Variants in KCNN2 observed in about 807,000 individuals in gnomAD.
The protein encoded by KCNN2 is potassium calcium-activated channel subfamily N member 2.
In KCNN2, 24 loss-of-function variants were observed where a neutral mutation model predicts 55.5. The observed-to-expected ratio is 0.43, with a 90% CI of 0.31 to 0.61. The LOEUF is 0.61. Among genes scored for constraint, KCNN2 ranks in the 20% least tolerant of loss-of-function variants. The pLI, the probability that KCNN2 is intolerant of heterozygous loss-of-function variation, is 0.08. For missense variants in KCNN2, 754 were observed against 853.6 expected, an observed-to-expected ratio of 0.88 and a Z score of 1.45; for synonymous variants, 431 against 336.1, an observed-to-expected ratio of 1.28 and a Z score of -3.09.
chr5:114,332,378 G>A (rs1393038206), intron 2 of KCNN2, among the ~76,000 whole-genome samples: 1 of 152,168 alleles, frequency 6.6e-6, no homozygotes, highest in African/African-American at 2.4e-5. Context: ...CCCAACCCTT[G>A]CAAGGTACTA....
At chr5:114,365,215 T>C (rs1757566453) in intron 2 of KCNN2, among the ~76,000 whole-genome samples, 1 of 152,104 alleles carries the variant, frequency 6.6e-6, no homozygotes, top group Non-Finnish European at 1.5e-5. Flanking sequence ...GAAAAATGTG[T>C]TTTTGAAGGG....
At chr5:114,215,493 G>A (rs1344689455) in intron 1 of KCNN2, among the ~76,000 whole-genome samples, 1 of 152,086 alleles carries the variant, frequency 6.6e-6, no homozygotes, top group Admixed American at 6.6e-5. Flanking sequence ...AAGGCAGGAA[G>A]GGATCATGCT....
chr5:114,350,937 C>T (rs1460840241), intron 2 of KCNN2, among the ~76,000 whole-genome samples: 2 of 151,734 alleles, frequency 1.3e-5, no homozygotes, highest in Non-Finnish European at 3.0e-5. Flanking sequence ...CTATTCTTGG[C>T]TATTTGCATT....
At chr5:114,250,253 G>A (rs1041995152) in intron 2 of KCNN2, among the ~76,000 whole-genome samples, 2 of 152,184 alleles carry the variant, frequency 1.3e-5, no homozygotes, top group African/African-American at 4.8e-5. Context: ...CTTAACTGAT[G>A]TGTATCCCCA....
At chr5:114,171,248 A>G (rs945196836) in intron 1 of KCNN2, among the ~76,000 whole-genome samples, 1 of 151,996 alleles carries the variant, frequency 6.6e-6, no homozygotes, top group South Asian at 2.1e-4. Context: ...GCCACATTAG[A>G]TATTAAAAAA....
At position 114,283,849 on chromosome 5, in the gene KCNN2, G is replaced by A. The variant is rs559163187; in HGVS notation, c.-185+62284G>A. 8.5e-4 allele frequency among the ~76,000 whole-genome samples: 130 copies of A among 152,278 alleles called. 2 individuals are homozygous for A. Among genetic ancestry groups the A allele is most frequent in the African/African-American group, 2.7e-3 (111 of 41,560 alleles). ...CAGTTTAAGAGTACAACTCCTGAGC[G>A]TCCCTACCACATTAGAGTATACATT... On this transcript the variant is annotated intron_variant, in intron 2 of 10. Coordinates refer to the KCNN2 transcript ENST00000512097.
intron 2 of KCNN2, among the ~76,000 whole-genome samples, chr5:114,267,838 T>G (rs1209115114): frequency 6.6e-6 from 1 of 152,228 alleles, no homozygotes; most frequent in Non-Finnish European, 1.5e-5. Flanking sequence ...AATTCAGGCA[T>G]TTGTTTCTAG....
intron 1 of KCNN2, among the ~76,000 whole-genome samples, chr5:114,149,468 G>A (rs1036579076): frequency 1.6e-4 from 24 of 152,122 alleles, no homozygotes; most frequent in African/African-American, 5.8e-4. Flanking sequence ...GCTGGGTCCA[G>A]GGGGGTCACT....
At chr5:114,325,109 T>G (rs1053201380) in intron 2 of KCNN2, among the ~76,000 whole-genome samples, 23 of 152,316 alleles carry the variant, frequency 1.5e-4, no homozygotes, top group African/African-American at 5.5e-4. Context: ...GAAGGCAGAT[T>G]TTTTAAATGA....
chr5:114,432,918 C>G (rs1042101849), intron 3 of KCNN2, among the ~76,000 whole-genome samples: 3 of 152,224 alleles, frequency 2.0e-5, no homozygotes, highest in Non-Finnish European at 2.9e-5. Context: ...TGCCTTCCCG[C>G]GGGGCATGGC....
chr5:114,085,521 T>A (rs1039452955), intron 1 of KCNN2, among the ~76,000 whole-genome samples: 2 of 152,042 alleles, frequency 1.3e-5, no homozygotes, highest in Admixed American at 1.3e-4. Flanking sequence ...AAAAATTCAC[T>A]TTTGTATATA....
At chr5:114,316,822 G>A (rs1756510764) in intron 2 of KCNN2, among the ~76,000 whole-genome samples, 1 of 152,052 alleles carries the variant, frequency 6.6e-6, no homozygotes. Flanking sequence ...CTCAGGTCTG[G>A]CCATCTGTAC....
intron 2 of KCNN2, among the ~76,000 whole-genome samples, chr5:114,265,318 AGAG>A: frequency 6.8e-6 from 1 of 147,568 alleles, no homozygotes; most frequent in East Asian, 2.0e-4. Context: ...AGAACCATCA[AGAG>A]GAGGTGTGTG....
At position 114,495,870 on chromosome 5, in the gene KCNN2, CCTT is replaced by C. The variant is rs755155704; in HGVS notation, c.2089-19_2089-17del. ...TTGTGTTCAGGGCAAGTATAATTAA[CCTT>C]CTTCTCAATCCTGTTTTTCAGACCC... is the stretch of plus-strand genomic sequence containing the variant. On this transcript the variant is annotated intron_variant, in intron 7 of 7. Coordinates refer to ENST00000673685, the MANE Select transcript of KCNN2 (RefSeq NM_021614.4). 31 of 1,603,334 alleles carry C rather than the reference CCTT, an allele frequency of 1.9e-5. No individual in the cohort carries two copies. The Middle Eastern group carries it at 5.0e-4, about 26-fold the overall frequency.
chr5:114,325,878 C>T (rs189558572), intron 2 of KCNN2, among the ~76,000 whole-genome samples: 6 of 152,226 alleles, frequency 3.9e-5, no homozygotes, highest in South Asian at 2.1e-4. Context: ...TCTGGTTCCT[C>T]GTGTCCACGT....
chr5:114,223,021 C>A (rs887637765), intron 2 of KCNN2, among the ~76,000 whole-genome samples: 3 of 152,146 alleles, frequency 2.0e-5, no homozygotes, highest in Non-Finnish European at 2.9e-5. Context: ...ATCTTTCTGA[C>A]TACTAACAGT....
chr5:114,249,778 T>G (rs1365231452), intron 2 of KCNN2, among the ~76,000 whole-genome samples: 1 of 151,964 alleles, frequency 6.6e-6, no homozygotes, highest in African/African-American at 2.4e-5. Context: ...GGCAGCATTT[T>G]ATTTTGTTTT....
intron 1 of KCNN2, among the ~76,000 whole-genome samples, chr5:114,094,020 T>A (rs1178532768): frequency 6.6e-6 from 1 of 152,220 alleles, no homozygotes. Flanking sequence ...CTGTTCTCAT[T>A]TCAGCTAAAC....
At chr5:114,181,603 AT>A (rs1242395814) in intron 1 of KCNN2, among the ~76,000 whole-genome samples, 17 of 152,082 alleles carry the variant, frequency 1.1e-4, no homozygotes, top group Admixed American at 2.0e-4. Flanking sequence ...TAATTTATCA[AT>A]TTTTTTATTT....
Sources: gnomAD v4.1 joint callset for allele counts (sites outside exome capture counted in the v4.1 genomes callset) on GRCh38, gnomAD v4.1.1 for gene constraint, MANE v1.5 for transcripts, NCBI Gene and HGNC (gene_info 2026-07-23, HGNC 2026-07-21) for gene names.